CFAP43: variants seen among roughly 807,000 people sequenced by gnomAD.
The protein encoded by CFAP43 is cilia and flagella associated protein 43.
Under a neutral mutation model 218.9 loss-of-function variants are expected in CFAP43, and 155 were observed. That is an observed-to-expected ratio of 0.71 (90% CI 0.62 to 0.81). CFAP43 has a LOEUF of 0.81. Among genes scored for constraint, CFAP43 ranks in the 30% least tolerant of loss-of-function variants. The pLI is 0.00. For missense variants in CFAP43, 1,778 were observed against 1,954.3 expected (o/e 0.91, Z 1.70); for synonymous variants, 645 against 681.3 (o/e 0.95, Z 0.83).
chr10:104,133,628 G>A lies in CFAP43; in HGVS notation c.4588C>T (p.Arg1530Cys), dbSNP rs141712748. The change falls in exon 35 of 38, where the codon CGT (arginine) becomes TGT (cysteine). Residue 1530 changes from arginine to cysteine, a missense_variant. Physicochemically the swap from Arg to Cys is radical, Grantham distance 180. Around this residue, in one of 3 missense-constraint regions of CFAP43, gnomAD observed 211 missense variants for 230.6 expected, o/e 0.91. Coordinates refer to ENST00000357060, the MANE Select transcript of CFAP43 (RefSeq NM_025145.7). ...DIQMLFFSRD[R>C]QKYLNEPNYE... ...GGGTAGGGAGAATTTACCTTTTGACGATCTCTTGAAAAAAATAGCATCTGA... is the reference window on the plus strand; with the variant it reads ...GGGTAGGGAGAATTTACCTTTTGACAATCTCTTGAAAAAAATAGCATCTGA... 1,005 of 1,607,764 alleles carry A rather than the reference G, an allele frequency of 6.3e-4. 1 individual carries two copies. Among genetic ancestry groups the A allele is most frequent in the Non-Finnish European group, 8.3e-4 (972 of 1,177,396 alleles).
intron 15 of CFAP43, among the ~76,000 whole-genome samples, chr10:104,185,529 G>A (rs2090002206): frequency 1.3e-5 from 2 of 152,124 alleles, no homozygotes; most frequent in Non-Finnish European, 2.9e-5. Flanking sequence ...CTATTTATGT[G>A]TGAAGTAGCT....
intron 30 of CFAP43, among the ~76,000 whole-genome samples, 165 bp downstream of exon 30, chr10:104,146,098 A>G (rs772429847): frequency 2.6e-5 from 4 of 152,234 alleles, no homozygotes; most frequent in Non-Finnish European, 4.4e-5. Flanking sequence ...TTACACATGG[A>G]TTTTCAAAAA....
At chr10:104,202,929 A>C (rs1022423778) in intron 8 of CFAP43, among the ~76,000 whole-genome samples, 5 of 152,082 alleles carry the variant, frequency 3.3e-5, no homozygotes, top group Non-Finnish European at 7.4e-5. Context: ...TTTGCAATTC[A>C]TCTAAAATGA....
intron 28 of CFAP43, among the ~76,000 whole-genome samples, chr10:104,148,228 T>A (rs371153254): frequency 6.6e-6 from 1 of 152,146 alleles, no homozygotes; most frequent in East Asian, 1.9e-4. Flanking sequence ...ATACATAACA[T>A]GAATATATAA....
intron 5 of CFAP43, among the ~76,000 whole-genome samples, chr10:104,211,783 C>T (rs2090870870): frequency 6.6e-6 from 1 of 152,186 alleles, no homozygotes; most frequent in African/African-American, 2.4e-5. Context: ...GAAATCACAC[C>T]TGGGCCCCCT....
At chr10:104,185,173 A>C in intron 15 of CFAP43, 27 bp from the exon 16 acceptor site, 2 of 1,612,264 alleles carry the variant, frequency 1.2e-6, no homozygotes, top group African/African-American at 2.7e-5. Flanking sequence ...TAAACCAGAA[A>C]AATTACAAAT....
At chr10:104,198,642 T>C (rs2090444416) in intron 8 of CFAP43, among the ~76,000 whole-genome samples, 1 of 152,100 alleles carries the variant, frequency 6.6e-6, no homozygotes, top group African/African-American at 2.4e-5. Flanking sequence ...TTTTTAATTT[T>C]TTAAAATTTC....
intron 32 of CFAP43, among the ~76,000 whole-genome samples, chr10:104,142,899 C>T (rs1345777876): frequency 6.6e-6 from 1 of 152,136 alleles, no homozygotes; most frequent in African/African-American, 2.4e-5. Flanking sequence ...TAACCTACAA[C>T]AGTGCTGTCC....
chr10:104,200,828 A>G (rs1188856064), intron 8 of CFAP43, among the ~76,000 whole-genome samples: 1 of 152,188 alleles, frequency 6.6e-6, no homozygotes, highest in Non-Finnish European at 1.5e-5. Flanking sequence ...CATGATGGCC[A>G]GTGTGGCTGG....
chr10:104,225,656 G>A (rs761361088), intron 2 of CFAP43, 99 bp from the exon 3 acceptor site: 25 of 978,252 alleles, frequency 2.6e-5, no homozygotes, highest in Non-Finnish European at 3.3e-5. Context: ...TGATTTTCAC[G>A]TAATTCAAAA....
chr10:104,151,828 A>G (rs2088274077), intron 28 of CFAP43, among the ~76,000 whole-genome samples: 1 of 152,094 alleles, frequency 6.6e-6, no homozygotes, highest in African/African-American at 2.4e-5. Context: ...GTCCAGAATG[A>G]TATTGCATAG....
intron 25 of CFAP43, 97 bp downstream of exon 25, chr10:104,162,220 C>G: frequency 1.5e-6 from 2 of 1,318,360 alleles, no homozygotes; most frequent in South Asian, 1.2e-5. Context: ...GACCTCTGAC[C>G]ACGACAAATG....
intron 3 of CFAP43, 108 bp downstream of exon 3, chr10:104,225,353 T>C: frequency 1.1e-6 from 1 of 928,370 alleles, no homozygotes; most frequent in Non-Finnish European, 1.6e-6. Context: ...TTTCCTTCTA[T>C]ATTTCCTTGT....
intron 3 of CFAP43, among the ~76,000 whole-genome samples, chr10:104,215,799 C>T (rs948193191): frequency 1.3e-5 from 2 of 152,108 alleles, no homozygotes; most frequent in African/African-American, 2.4e-5. Context: ...AGGCCATCAG[C>T]TGAGAATTCT....
At position 104,212,586 on chromosome 10, in the gene CFAP43, T is replaced by G. The variant is rs548238454; in HGVS notation, c.585-429A>C. Among the ~76,000 whole-genome samples, 3 of 152,326 alleles carry G rather than the reference T, an allele frequency of 2.0e-5. No individual in the cohort carries two copies. The East Asian group carries it at 5.8e-4, about 29-fold the overall frequency. The stretch of plus-strand genomic sequence containing the variant: ...GAGAATACTATAACCTGGATATTTA[T>G]GAGAAATCTCTTAAACTTTAAATGT... On this transcript the variant is annotated intron_variant, in intron 4 of 37. Coordinates refer to ENST00000357060, the MANE Select transcript of CFAP43 (RefSeq NM_025145.7).
chr10:104,138,298 A>C (rs978045311), intron 34 of CFAP43, among the ~76,000 whole-genome samples: 4 of 152,238 alleles, frequency 2.6e-5, no homozygotes, highest in African/African-American at 9.6e-5. Context: ...ACATTCCACA[A>C]AATAACTGAC....
Position 104,172,545 on chromosome 10 carries a change from G to A in CFAP43, c.2461-10C>T, listed in dbSNP as rs2089454883. ...CCATCATATTCAGAATCTGAATGTT[G>A]AAATAAAAAAGAGTGCTGACAAGTA... On this transcript the variant is annotated splice_polypyrimidine_tract_variant and intron_variant, in intron 19 of 37. Transcript: ENST00000357060. 7 of 1,576,810 alleles carry A rather than the reference G, an allele frequency of 4.4e-6. No individual in the cohort carries two copies. The highest frequency in any genetic ancestry group is 6.0e-6 in the Non-Finnish European group (7 of 1,166,658).
intron 27 of CFAP43, among the ~76,000 whole-genome samples, chr10:104,153,247 G>A (rs1335655784): frequency 6.6e-6 from 1 of 152,026 alleles, no homozygotes; most frequent in African/African-American, 2.4e-5. Flanking sequence ...ATGTTCCCTT[G>A]TCCTCTCTTT....
intron 8 of CFAP43, among the ~76,000 whole-genome samples, chr10:104,202,818 G>GTTTT (rs5787513): frequency 7.1e-6 from 1 of 141,562 alleles, no homozygotes. Flanking sequence ...AGTTAGCATA[G>GTTTT]TTTTTTTTTT....
Sources: gnomAD v4.1 joint callset for allele counts (sites outside exome capture counted in the v4.1 genomes callset) on GRCh38, gnomAD v4.1.1 for gene constraint, gnomAD v4.1.1 regional missense constraint, MANE v1.5 for transcripts, NCBI Gene and HGNC (gene_info 2026-07-23, HGNC 2026-07-21) for gene names.